Variants in SLC25A24 observed in about 807,000 individuals in gnomAD.
SLC25A24 encodes solute carrier family 25 member 24, also known as mitochondrial adenyl nucleotide antiporter SLC25A24.
In SLC25A24, 49 loss-of-function variants were observed where a neutral mutation model predicts 60.7. That is an observed-to-expected ratio of 0.81 (90% CI 0.64 to 1.02). SLC25A24 has a LOEUF of 1.02. SLC25A24 is among the 50% of genes least tolerant of loss of function. SLC25A24 has a pLI of 0.00. For synonymous variants in SLC25A24, 202 were observed against 200.6 expected (o/e 1.01, Z -0.06); for missense variants, 564 against 586.3 (o/e 0.96, Z 0.39).
chr1:108,175,845 A>C (rs1232612441), intron 3 of SLC25A24, among the ~76,000 whole-genome samples: 1 of 152,210 alleles, frequency 6.6e-6, no homozygotes, highest in Non-Finnish European at 1.5e-5. Context: ...TATTAAAGAT[A>C]TTTAATTAAA....
chr1:108,156,048 G>C (rs1253560704), intron 5 of SLC25A24, among the ~76,000 whole-genome samples: 1 of 151,930 alleles, frequency 6.6e-6, no homozygotes, highest in South Asian at 2.1e-4. Context: ...GCCCCAATAA[G>C]AACTCTGCAC....
chr1:108,192,129 T>TGA (rs1648361271), intron 1 of SLC25A24, among the ~76,000 whole-genome samples: 1 of 135,288 alleles, frequency 7.4e-6, no homozygotes, highest in Non-Finnish European at 1.6e-5. Flanking sequence ...ACACGTAGAG[T>TGA]GATTATTCCA....
intron 2 of SLC25A24, among the ~76,000 whole-genome samples, chr1:108,182,726 G>T (rs986968469): frequency 2.0e-5 from 3 of 152,080 alleles, no homozygotes; most frequent in Admixed American, 1.3e-4. Flanking sequence ...CCAGCTACTT[G>T]GGAGGCTAAA....
chr1:108,171,646 T>G (rs995016827), intron 3 of SLC25A24, among the ~76,000 whole-genome samples: 2 of 152,204 alleles, frequency 1.3e-5, no homozygotes, highest in Non-Finnish European at 2.9e-5. Flanking sequence ...TGCAACGTGG[T>G]GGACATAGAA....
chr1:108,139,701 T>C (rs1271082952), intron 8 of SLC25A24, among the ~76,000 whole-genome samples: 1 of 152,092 alleles, frequency 6.6e-6, no homozygotes, highest in Non-Finnish European at 1.5e-5. Flanking sequence ...AATCTCTGCC[T>C]CCCAGGTTCA....
chr1:108,177,481 A>T (rs1647722614), intron 3 of SLC25A24, among the ~76,000 whole-genome samples: 1 of 152,210 alleles, frequency 6.6e-6, no homozygotes, highest in South Asian at 2.1e-4. Context: ...TGAGTGGATT[A>T]AAAAAACTAG....
At chr1:108,152,410 A>G (rs1050982649) in intron 6 of SLC25A24, among the ~76,000 whole-genome samples, 17 of 151,986 alleles carry the variant, frequency 1.1e-4, no homozygotes, top group Non-Finnish European at 2.2e-4. Flanking sequence ...TCTATCACCC[A>G]GGCTAGATTG....
At chr1:108,152,788 G>GCTCAAAGT (rs1356119277) in intron 6 of SLC25A24, among the ~76,000 whole-genome samples, 3 of 152,192 alleles carry the variant, frequency 2.0e-5, no homozygotes, top group African/African-American at 7.2e-5. Flanking sequence ...GCCTAAGGAA[G>GCTCAAAGT]CTCACAGTCT....
At chr1:108,144,342 G>T (rs145482591) in intron 7 of SLC25A24, among the ~76,000 whole-genome samples, 2 of 151,986 alleles carry the variant, frequency 1.3e-5, no homozygotes, top group Non-Finnish European at 2.9e-5. Context: ...AACTTTTCCT[G>T]TAAAGACTAA....
intron 1 of SLC25A24, among the ~76,000 whole-genome samples, chr1:108,195,557 G>A (rs899687755): frequency 5.9e-5 from 9 of 152,102 alleles, no homozygotes; most frequent in Admixed American, 5.9e-4. Context: ...ATATATTTTA[G>A]AACATTTGAC....
rs558840192 is a variant in SLC25A24, at chr1:108,192,831, C to G, written c.184-6877G>C. On this transcript the variant is annotated intron_variant, in intron 1 of 9. Transcript: ENST00000565488. ...TCCTAACGGCTTCAGCGCAAAGGCGCGAGCGCGCAGGACCCGGGACCTGCG... is the reference window on the plus strand; with the variant it reads ...TCCTAACGGCTTCAGCGCAAAGGCGGGAGCGCGCAGGACCCGGGACCTGCG... The G allele has an allele frequency of 5.1e-6, 6 of 1,181,676 alleles. 2 individuals carry two copies. In the African/African-American group the frequency reaches 9.1e-5, roughly 18 times the overall value. 73.2% of individuals were successfully genotyped at this position (1,181,676 alleles called of 1,614,324 possible).
Position 108,187,927 on chromosome 1 carries a change from G to GATATATATATATATATATATAT in SLC25A24, c.184-1974_184-1973insATATATATATATATATATATAT, listed in dbSNP as rs57513025. Among the ~76,000 whole-genome samples, 521 of 95,718 alleles carry GATATATATATATATATATATAT rather than the reference G, an allele frequency of 5.4e-3. 17 individuals are homozygous for GATATATATATATATATATATAT. Among genetic ancestry groups the GATATATATATATATATATATAT allele is most frequent in the East Asian group, 0.028 (77 of 2,726 alleles). The allele number at this position is 95,718 out of a possible 152,430, so 62.8% of individuals were successfully genotyped here. ...TACACGAAATGGATAAGACATTATA[G>GATATATATATATATATATATAT]ATATATATATATATATATTCATGCA... On this transcript the variant is annotated intron_variant, in intron 1 of 9. Transcript: ENST00000565488.
At chr1:108,149,285 G>C (rs563220125) in intron 6 of SLC25A24, among the ~76,000 whole-genome samples, 1 of 152,258 alleles carries the variant, frequency 6.6e-6, no homozygotes, top group East Asian at 1.9e-4. Context: ...TGGACCAAGG[G>C]TATAAATATG....
At chr1:108,195,445 T>C (rs1361744775) in intron 1 of SLC25A24, among the ~76,000 whole-genome samples, 1 of 152,172 alleles carries the variant, frequency 6.6e-6, no homozygotes, top group Non-Finnish European at 1.5e-5. Flanking sequence ...ACTAAAGAAT[T>C]CTTCCATTTT....
At chr1:108,153,270 A>G (rs992517720) in intron 6 of SLC25A24, among the ~76,000 whole-genome samples, 1 of 152,206 alleles carries the variant, frequency 6.6e-6, no homozygotes, top group Non-Finnish European at 1.5e-5. Flanking sequence ...TGTTTGACAG[A>G]GCTACATACC....
At chr1:108,147,243 G>A (rs1191332458) in intron 7 of SLC25A24, among the ~76,000 whole-genome samples, 1 of 152,174 alleles carries the variant, frequency 6.6e-6, no homozygotes, top group Admixed American at 6.5e-5. Flanking sequence ...TTGCATTTCT[G>A]TGGGATTGGT....
intron 6 of SLC25A24, among the ~76,000 whole-genome samples, chr1:108,154,064 T>A (rs1679821121): frequency 9.1e-6 from 1 of 109,806 alleles, no homozygotes; most frequent in Admixed American, 9.8e-5. Context: ...GGAGACTAGA[T>A]TTTCTTTAAT....
At position 108,136,733 on chromosome 1, in the gene SLC25A24, T is replaced by A; in HGVS notation, c.1354A>T (p.Met452Leu). ...GLYRGITPNF[M>L]KVLPAVGISY... ...ATGCCTACAGCAGGGAGCACCTTCA[T>A]GAAGTTTGGGGTGATGCCTCTGTAA... Residue 452 changes from methionine (M) to leucine (L), a missense_variant, in exon 10 of 10, where the codon ATG becomes TTG. Physicochemically the swap from Met to Leu is conservative, Grantham distance 15. Transcript: ENST00000565488. 1 of 1,614,134 alleles carries A rather than the reference T, an allele frequency of 6.2e-7. No individual in the cohort carries two copies. Among genetic ancestry groups the A allele is most frequent in the South Asian group, 1.1e-5 (1 of 91,088 alleles).
intron 1 of SLC25A24, among the ~76,000 whole-genome samples, chr1:108,192,988 C>T (rs1648393915): frequency 7.2e-6 from 1 of 139,536 alleles, no homozygotes; most frequent in African/African-American, 2.5e-5. Context: ...CAGAAACTTC[C>T]AGGGAGAACC....
Sources: allele counts gnomAD v4.1 joint callset (sites outside exome capture counted in the v4.1 genomes callset), GRCh38; gene constraint gnomAD v4.1.1; transcripts MANE v1.5; gene names NCBI Gene and HGNC (gene_info 2026-07-23, HGNC 2026-07-21).